The following DAO variants were observed in gnomAD, a reference collection of about 807,000 sequenced individuals.
The protein encoded by DAO is D-amino acid oxidase, also known as D-amino-acid oxidase.
Under a neutral mutation model 50.1 loss-of-function variants are expected in DAO, and 51 were observed. The ratio of observed to expected loss-of-function variants is 1.02; its 90% confidence interval spans 0.81 to 1.29. The LOEUF (loss-of-function observed/expected upper bound fraction) is 1.29, where lower values mean the gene tolerates loss of function less well. Ranked by LOEUF, DAO falls within the 50% of genes most tolerant of loss-of-function variation. The pLI, the probability that DAO is intolerant of heterozygous loss-of-function variation, is 0.00. For missense variants in DAO, 436 were observed against 439.4 expected, an observed-to-expected ratio of 0.99 and a Z score of 0.07; for synonymous variants, 160 against 166.2, an observed-to-expected ratio of 0.96 and a Z score of 0.29.
intron 1 of DAO, among the ~76,000 whole-genome samples, chr12:108,881,904 C>A (rs191958003): frequency 1.8e-3 from 280 of 152,170 alleles, no homozygotes; most frequent in African/African-American, 6.5e-3. Context: ...CTGTGCCCGG[C>A]CTTTTTGATT....
chr12:108,887,028 G>T (rs1017939231), intron 2 of DAO, among the ~76,000 whole-genome samples: 2 of 152,178 alleles, frequency 1.3e-5, no homozygotes, highest in African/African-American at 4.8e-5. Flanking sequence ...TAGGTGAGCT[G>T]TGTGCCCAGG....
At position 108,893,103 on chromosome 12, in the gene DAO, T is replaced by C. The variant is rs2039509918; in HGVS notation, c.507+67T>C. 6 of 1,461,516 alleles carry C rather than the reference T, an allele frequency of 4.1e-6. No homozygotes were observed. The African/African-American group carries it at 4.2e-5, about 10-fold the overall frequency. 90.5% of individuals were successfully genotyped at this position (1,461,516 alleles called of 1,614,324 possible). A position where few individuals can be genotyped will look rare whatever the true frequency, so the allele number is the denominator to read the frequency against. On this transcript the variant is annotated intron_variant, in intron 6 of 10. Coordinates refer to ENST00000228476, the MANE Select transcript of DAO (RefSeq NM_001917.5). ...AGGGGAGGCCTCTGCTTCTTGCTGCTGAGTCGGGGGCTCCCTTCTCAGGCT... is the reference window on the plus strand; with the variant it reads ...AGGGGAGGCCTCTGCTTCTTGCTGCCGAGTCGGGGGCTCCCTTCTCAGGCT...
rs146867483 is a variant in DAO, at chr12:108,894,464, T to C, written c.612+97T>C. 5.3e-4 allele frequency: 553 copies of C among 1,041,926 alleles called. 1 individual carries two copies. The highest frequency in any genetic ancestry group is 3.0e-3 in the Middle Eastern group (15 of 4,974). The allele number at this position is 1,041,926 out of a possible 1,614,324, so 64.5% of individuals were successfully genotyped here. On this transcript the variant is annotated intron_variant, in intron 7 of 10. Coordinates refer to ENST00000228476, the MANE Select transcript of DAO (RefSeq NM_001917.5). ...AGATCATGGACAAATCAGGAACATC[T>C]GTTAGAGGAACCCCCCGGACTGCAG...
At chr12:108,885,288 CCCTTGTGGAAG>C in intron 2 of DAO, 88 bp downstream of exon 2, 1 of 1,290,608 alleles carries the variant, frequency 7.7e-7, no homozygotes, top group African/African-American at 1.5e-5. Flanking sequence ...AAGAGCAAGC[CCCTTGTGGAAG>C]CTCTGATCTA....
At position 108,898,681 on chromosome 12, in the gene DAO, C is replaced by G; in HGVS notation, c.698C>G (p.Thr233Ser). 1 of 1,605,020 alleles carries G rather than the reference C, an allele frequency of 6.2e-7. No homozygotes were observed. Among genetic ancestry groups the G allele is most frequent in the African/African-American group, 1.3e-5 (1 of 74,806 alleles). The change falls in exon 9 of 11, where the codon ACC becomes AGC. Residue 233 changes from threonine to serine, a missense_variant and splice_region_variant. Transcript: ENST00000228476. ...TGACCCTCCTCATTTGTATCTAGGACCCAGACAGTTACTCTTGGAGGCATC... is the reference window on the plus strand; with the variant it reads ...TGACCCTCCTCATTTGTATCTAGGAGCCAGACAGTTACTCTTGGAGGCATC... ...IYNSPYIIPG[T>S]QTVTLGGIFQ...
rs780168729 is a variant in DAO, at chr12:108,883,768, A to G, written c.-9-1230A>G. ...CTCGAAGCTGGAAGGAGAATTGCCT[A>G]GAGGAACGATACCTTTCTGTTTGTT... On this transcript the variant is annotated intron_variant, in intron 1 of 10. Transcript: ENST00000228476. 7.5e-6 allele frequency: 3 copies of G among 397,790 alleles called. No homozygotes were observed. The East Asian group carries it at 2.3e-4, about 30-fold the overall frequency. The allele number at this position is 397,790 out of a possible 1,614,324, so 24.6% of individuals were successfully genotyped here. A position where few individuals can be genotyped will look rare whatever the true frequency, so the allele number is the denominator to read the frequency against.
At chr12:108,895,628 A>G (rs1353379208) in intron 7 of DAO, among the ~76,000 whole-genome samples, 2 of 102,574 alleles carry the variant, frequency 1.9e-5, no homozygotes, top group African/African-American at 3.7e-5. Context: ...GTATGTATGC[A>G]TGTGTGTGAG....
At chr12:108,893,081 G>T in intron 6 of DAO, 45 bp downstream of exon 6, 1 of 1,569,068 alleles carries the variant, frequency 6.4e-7, no homozygotes. Context: ...GGAGAAGAGG[G>T]GAGGCCTCTG....
At chr12:108,882,919 G>A (rs1335352718) in intron 1 of DAO, among the ~76,000 whole-genome samples, 1 of 151,964 alleles carries the variant, frequency 6.6e-6, no homozygotes, top group African/African-American at 2.4e-5. Context: ...AGGCTGAGGG[G>A]GGAGGATTGC....
rs1176150685 is a variant in DAO at position 108,887,566 on chromosome 12, TG to T, written c.309+5del. 1.2e-6 allele frequency: 2 copies of T among 1,606,834 alleles called. No individual in the cohort carries two copies. Among genetic ancestry groups the T allele is most frequent in the East Asian group, 2.2e-5 (1 of 44,820 alleles). On this transcript the variant is annotated splice_donor_region_variant and intron_variant, in intron 3 of 10. Transcript: ENST00000228476. ...AACCTCTTCCATGAAGCCATTCCGG[TG>T]GGTGAACAGTTCTTGACCATGAGGG...
intron 10 of DAO, chr12:108,900,001 ACAG>A (rs1425962121): frequency 3.2e-6 from 1 of 313,580 alleles, no homozygotes; most frequent in Non-Finnish European, 6.2e-6. Flanking sequence ...CGTGTCAGAC[ACAG>A]CAGCAAGTCC....
intron 7 of DAO, among the ~76,000 whole-genome samples, chr12:108,896,707 A>G (rs1447128080): frequency 1.3e-5 from 2 of 151,902 alleles, no homozygotes; most frequent in African/African-American, 4.8e-5. Flanking sequence ...TCGGTTGGGG[A>G]CTTAGAATTT....
At chr12:108,898,869 G>T in intron 9 of DAO, 73 bp downstream of exon 9, 6 of 945,370 alleles carry the variant, frequency 6.3e-6, no homozygotes, top group Non-Finnish European at 1.0e-5. Context: ...CTTCAGGACG[G>T]GAAGATGCCA....
chr12:108,883,595 T>TA, intron 1 of DAO: 1 of 456,378 alleles, frequency 2.2e-6, no homozygotes, highest in Non-Finnish European at 4.4e-6. Flanking sequence ...ATTTAATCCT[T>TA]AAAATGACCC....
At chr12:108,897,840 G>A (rs1224949916) in intron 8 of DAO, among the ~76,000 whole-genome samples, 3 of 151,882 alleles carry the variant, frequency 2.0e-5, no homozygotes, top group South Asian at 2.1e-4. Flanking sequence ...CCAGCTATTC[G>A]AGAGGCTGAG....
At chr12:108,894,099 T>C (rs1441022103) in intron 6 of DAO, among the ~76,000 whole-genome samples, 164 bp from the exon 7 acceptor site, 1 of 152,120 alleles carries the variant, frequency 6.6e-6, no homozygotes, top group African/African-American at 2.4e-5. Flanking sequence ...TAAATGGCAG[T>C]ATGAAAATTT....
rs2039363140 is a variant in DAO at position 108,880,320 on chromosome 12, A to T, written c.-10+96A>T. 10 of 359,614 alleles carry T rather than the reference A, an allele frequency of 2.8e-5. 1 individual carries two copies. The highest frequency in any genetic ancestry group is 2.1e-4 in the South Asian group (10 of 47,740). 22.3% of individuals were successfully genotyped at this position (359,614 alleles called of 1,614,324 possible). On this transcript the variant is annotated intron_variant, in intron 1 of 10. Coordinates refer to ENST00000228476, the MANE Select transcript of DAO (RefSeq NM_001917.5). ...CTCCCAATGTCAAAGACAGGGCTCA[A>T]CATTACAGCCTAAGGCAGGTGACAG...
In DAO at chr12:108,880,315, G is replaced by A. The variant is rs1338954017; in HGVS notation, c.-10+91G>A. On this transcript the variant is annotated intron_variant, in intron 1 of 10. Coordinates refer to ENST00000228476, the MANE Select transcript of DAO (RefSeq NM_001917.5). Reference sequence around the variant, plus strand: ...ATGTCCTCCCAATGTCAAAGACAGGGCTCAACATTACAGCCTAAGGCAGGT... The same window carrying A: ...ATGTCCTCCCAATGTCAAAGACAGGACTCAACATTACAGCCTAAGGCAGGT... The A allele has an allele frequency of 4.1e-5, 15 of 361,526 alleles. No homozygotes were observed. In the East Asian group the frequency reaches 1.1e-3, roughly 27 times the overall value. 22.4% of individuals were successfully genotyped at this position (361,526 alleles called of 1,614,324 possible). A position where few individuals can be genotyped will look rare whatever the true frequency, so the allele number is the denominator to read the frequency against.
At chr12:108,895,162 G>A (rs1453999440) in intron 7 of DAO, among the ~76,000 whole-genome samples, 2 of 147,196 alleles carry the variant, frequency 1.4e-5, no homozygotes, top group Non-Finnish European at 3.0e-5. Flanking sequence ...AGTGCAATTG[G>A]GATTGGAATC....
Sources: allele counts gnomAD v4.1 joint callset (sites outside exome capture counted in the v4.1 genomes callset), GRCh38; gene constraint gnomAD v4.1.1; transcripts MANE v1.5; gene names NCBI Gene and HGNC (gene_info 2026-07-23, HGNC 2026-07-21).